Variants in ANKRD36 observed in about 807,000 individuals in gnomAD.
ANKRD36 encodes the protein ankyrin repeat domain 36, also known as ankyrin repeat domain-containing protein 36A.
ANKRD36 carries 179 observed loss-of-function variants against 278.1 expected under a neutral mutation model. That is an observed-to-expected ratio of 0.64 (90% confidence interval 0.57 to 0.73). The LOEUF is 0.73. Among genes scored for constraint, ANKRD36 ranks in the 30% least tolerant of loss-of-function variants. ANKRD36 has a pLI of 0.00. For synonymous variants in ANKRD36, 320 were observed against 641.1 expected, an observed-to-expected ratio of 0.50 and a Z score of 7.57; for missense variants, 1,159 against 1,956.7, an observed-to-expected ratio of 0.59 and a Z score of 7.69.
At chr2:97,226,093 ATG>A (rs1254849212) in intron 67 of ANKRD36, among the ~76,000 whole-genome samples, 1 of 151,694 alleles carries the variant, frequency 6.6e-6, no homozygotes, top group Non-Finnish European at 1.5e-5. Context: ...ATATGTGTGC[ATG>A]TGTCTTTATA....
At chr2:97,248,738 CA>C (rs2075639869) in intron 72 of ANKRD36, 1 of 142,278 alleles carries the variant, frequency 7.0e-6, no homozygotes, top group Non-Finnish European at 1.5e-5. Flanking sequence ...CACATTTTAC[CA>C]GTTTGTAAGT....
At chr2:97,204,934 G>A (rs1244266568) in intron 50 of ANKRD36, among the ~76,000 whole-genome samples, 1 of 151,386 alleles carries the variant, frequency 6.6e-6, no homozygotes, top group Non-Finnish European at 1.5e-5. Context: ...TTACTATTAG[G>A]CATCAGAGAT....
intron 66 of ANKRD36, 147 bp downstream of exon 66, chr2:97,219,393 T>G: frequency 7.8e-7 from 1 of 1,277,338 alleles, no homozygotes; most frequent in South Asian, 1.7e-5. Context: ...CATTTTTATT[T>G]ATATTTTCAA....
chr2:97,185,856 C>T (rs1167324383), intron 30 of ANKRD36, among the ~76,000 whole-genome samples: 5 of 151,702 alleles, frequency 3.3e-5, no homozygotes, highest in African/African-American at 4.8e-5. Flanking sequence ...ATTTTACAGA[C>T]GTCACATCTT....
chr2:97,225,948 C>A (rs1404139323), intron 67 of ANKRD36, among the ~76,000 whole-genome samples: 1 of 151,780 alleles, frequency 6.6e-6, no homozygotes, highest in Non-Finnish European at 1.5e-5. Flanking sequence ...CTACAAAGGA[C>A]ATGAACTCAT....
chr2:97,190,228 T>G (rs1384439663), intron 34 of ANKRD36, among the ~76,000 whole-genome samples: 1 of 95,846 alleles, frequency 1.0e-5, no homozygotes, highest in African/African-American at 2.5e-5. Flanking sequence ...GATTAATATC[T>G]AATGCTTGTA....
At chr2:97,173,963 T>A (rs569865382) in intron 22 of ANKRD36, among the ~76,000 whole-genome samples, 37 of 150,928 alleles carry the variant, frequency 2.5e-4, no homozygotes, top group South Asian at 6.3e-4. Flanking sequence ...GAAACTAGAT[T>A]TAAAAAAAAA....
At chr2:97,187,494 G>GGGGGCC in intron 32 of ANKRD36, 93 bp downstream of exon 32, 3 of 95,514 alleles carry the variant, frequency 3.1e-5, no homozygotes, top group Non-Finnish European at 6.4e-5. Flanking sequence ...GGGTGGGGGG[G>GGGGGCC]CTCGCCGAAG....
At chr2:97,260,516 T>G (rs1326991922) in intron 75 of ANKRD36, among the ~76,000 whole-genome samples, 1 of 132,364 alleles carries the variant, frequency 7.6e-6, no homozygotes, top group Non-Finnish European at 1.6e-5. Context: ...CGATGTGTTT[T>G]CATCCAGGCT....
intron 5 of ANKRD36, among the ~76,000 whole-genome samples, chr2:97,126,746 A>G (rs533281177): frequency 6.6e-6 from 1 of 151,894 alleles, no homozygotes; most frequent in South Asian, 2.1e-4. Context: ...TGTGCCTAAG[A>G]GAAGCAACTT....
chr2:97,159,018 G>C (rs113725480), intron 17 of ANKRD36, among the ~76,000 whole-genome samples: 1 of 134,848 alleles, frequency 7.4e-6, no homozygotes, highest in Non-Finnish European at 1.6e-5. Flanking sequence ...ACAAAGGTGA[G>C]GAGGGGAAAG....
chr2:97,261,254 T>A (rs2076726544), intron 75 of ANKRD36, among the ~76,000 whole-genome samples: 1 of 128,634 alleles, frequency 7.8e-6, no homozygotes, highest in Non-Finnish European at 1.5e-5. Context: ...AGCTTTGTAT[T>A]TAAATACTGG....
At chr2:97,172,372 C>T (rs922535262) in intron 22 of ANKRD36, among the ~76,000 whole-genome samples, 1 of 151,880 alleles carries the variant, frequency 6.6e-6, no homozygotes, top group African/African-American at 2.4e-5. Context: ...GTGATGACTA[C>T]AGCATATTAT....
In ANKRD36 at chr2:97,202,360, A is replaced by G; in HGVS notation, c.2926A>G (p.Arg976Gly). The change falls in exon 48 of 76, where the codon AGA becomes GGA. Residue 976 changes from arginine to glycine, a missense_variant. Physicochemically the swap from Arg to Gly is moderately radical, Grantham distance 125 (BLOSUM62 -2). Coordinates refer to ENST00000420699, the MANE Select transcript of ANKRD36 (RefSeq NM_001354587.1). ...GGAAGATTCTGTTTTGGGTATAGCC[A>G]GAGAAAACAAGGATGGAGAAAAATC... ...DEEDSVLGIA[R>G]ENKDGEKSRT... The G allele has an allele frequency of 6.4e-7, 1 of 1,559,770 alleles. No individual in the cohort carries two copies. Among genetic ancestry groups the G allele is most frequent in the Non-Finnish European group, 8.7e-7 (1 of 1,155,444 alleles).
At chr2:97,178,842 T>G (rs1382883799) in intron 22 of ANKRD36, among the ~76,000 whole-genome samples, 1 of 151,346 alleles carries the variant, frequency 6.6e-6, no homozygotes, top group Non-Finnish European at 1.5e-5. Context: ...AAAAAGCAAC[T>G]TAATAAAAAT....
At chr2:97,209,129 G>A (rs1252170160) in intron 54 of ANKRD36, among the ~76,000 whole-genome samples, 4 of 146,516 alleles carry the variant, frequency 2.7e-5, no homozygotes, top group Admixed American at 2.7e-4. Context: ...TTATCTACTA[G>A]GTATCAGCAA....
chr2:97,218,010 A>G (rs1445069882), intron 64 of ANKRD36, among the ~76,000 whole-genome samples: 1 of 152,112 alleles, frequency 6.6e-6, no homozygotes, highest in Non-Finnish European at 1.5e-5. Flanking sequence ...AAGGAGTGCT[A>G]GAATTGGGAT....
intron 6 of ANKRD36, among the ~76,000 whole-genome samples, chr2:97,133,708 G>A (rs1201605141): frequency 2.0e-5 from 3 of 151,860 alleles, no homozygotes; most frequent in Non-Finnish European, 4.4e-5. Flanking sequence ...TGTTAATATA[G>A]CAATATATTA....
In ANKRD36 at chr2:97,254,941, GA is replaced by G. The variant is rs1283531273; in HGVS notation, c.*6+4769del. 1.1e-3 allele frequency among the ~76,000 whole-genome samples: 126 copies of G among 118,322 alleles called. 9 individuals carry two copies. Among genetic ancestry groups the G allele is most frequent in the African/African-American group, 4.4e-3 (114 of 25,776 alleles). 77.6% of individuals were successfully genotyped at this position (118,322 alleles called of 152,430 possible). A position where few individuals can be genotyped will look rare whatever the true frequency, so the allele number is the denominator to read the frequency against. ...TAGGTCTGTTCAATACAAATGTCAA[GA>G]TTTTTTTCCATTTCTGTAAAAGAAT... is the stretch of plus-strand genomic sequence containing the variant. On this transcript the variant is annotated intron_variant, in intron 75 of 75. Coordinates refer to ENST00000420699, the MANE Select transcript of ANKRD36 (RefSeq NM_001354587.1).
Sources: gnomAD v4.1 joint callset for allele counts (sites outside exome capture counted in the v4.1 genomes callset) on GRCh38, gnomAD v4.1.1 for gene constraint, MANE v1.5 for transcripts, NCBI Gene and HGNC (gene_info 2026-07-23, HGNC 2026-07-21) for gene names.